The following EPS15L1 variants were observed in gnomAD, a reference collection of about 807,000 sequenced individuals.
The protein encoded by EPS15L1 is epidermal growth factor receptor substrate 15-like 1.
Under a neutral mutation model 117.1 loss-of-function variants are expected in EPS15L1, and 43 were observed. The ratio of observed to expected loss-of-function variants is 0.37; its 90% CI spans 0.29 to 0.47. The LOEUF (loss-of-function observed/expected upper bound fraction) is 0.47, where lower values mean the gene tolerates loss of function less well. Among genes scored for constraint, EPS15L1 ranks in the 20% least tolerant of loss-of-function variants. The pLI, the probability that EPS15L1 is intolerant of heterozygous loss-of-function variation, is 0.99. For synonymous variants in EPS15L1, 459 were observed against 470.5 expected (o/e 0.98, Z 0.32); for missense variants, 981 against 1,164.0 (o/e 0.84, Z 2.29).
chr19:16,445,428 CAT>C (rs141623349), intron 1 of EPS15L1, among the ~76,000 whole-genome samples: 21 of 152,296 alleles, frequency 1.4e-4, no homozygotes, highest in African/African-American at 4.6e-4. Flanking sequence ...TCTAATTACA[CAT>C]ATGTCAGGTT....
chr19:16,451,139 C>T (rs1387003865), intron 1 of EPS15L1, among the ~76,000 whole-genome samples: 1 of 151,812 alleles, frequency 6.6e-6, no homozygotes, highest in Non-Finnish European at 1.5e-5. Context: ...TTAGTAGAGA[C>T]CGGGTCTCAC....
At chr19:16,407,418 G>A (rs2144857987) in intron 13 of EPS15L1, among the ~76,000 whole-genome samples, 1 of 152,298 alleles carries the variant, frequency 6.6e-6, no homozygotes, top group Non-Finnish European at 1.5e-5. Flanking sequence ...GGATTCTCGT[G>A]CCTCAGTCTC....
At chr19:16,429,668 C>T (rs1316188156) in intron 7 of EPS15L1, among the ~76,000 whole-genome samples, 2 of 152,204 alleles carry the variant, frequency 1.3e-5, no homozygotes, top group African/African-American at 2.4e-5. Flanking sequence ...TGACCCTGCC[C>T]CACCCTGCTC....
chr19:16,386,801 G>C (rs369048907), intron 19 of EPS15L1, among the ~76,000 whole-genome samples: 3 of 152,256 alleles, frequency 2.0e-5, no homozygotes, highest in South Asian at 4.1e-4. Context: ...GAGGCCACAA[G>C]AACTGAGCTG....
chr19:16,430,873 T>G (rs993174960), intron 7 of EPS15L1, among the ~76,000 whole-genome samples: 1 of 152,228 alleles, frequency 6.6e-6, no homozygotes, highest in Non-Finnish European at 1.5e-5. Flanking sequence ...TGCATGGGCA[T>G]GTGCACACAC....
chr19:16,465,629 C>A (rs1283233583), intron 1 of EPS15L1, among the ~76,000 whole-genome samples: 2 of 152,118 alleles, frequency 1.3e-5, no homozygotes, highest in Admixed American at 1.3e-4. Context: ...CTGCAATGAG[C>A]TTTGATTGCA....
intron 21 of EPS15L1, among the ~76,000 whole-genome samples, chr19:16,378,810 TG>T (rs1170580991): frequency 6.6e-6 from 1 of 152,154 alleles, no homozygotes; most frequent in Non-Finnish European, 1.5e-5. Flanking sequence ...TCACTTTCTA[TG>T]GGCAGAAGAA....
At chr19:16,409,070 T>A (rs888385132) in intron 13 of EPS15L1, among the ~76,000 whole-genome samples, 4 of 151,880 alleles carry the variant, frequency 2.6e-5, no homozygotes, top group Admixed American at 2.6e-4. Flanking sequence ...CAAAAAAAAA[T>A]TGTTTTTGAA....
chr19:16,437,205 T>C, intron 5 of EPS15L1: 1 of 581,692 alleles, frequency 1.7e-6, no homozygotes, highest in Non-Finnish European at 3.1e-6. Flanking sequence ...AAACAAATCC[T>C]TGTACATGAA....
At chr19:16,416,323 C>T (rs1462888326) in intron 12 of EPS15L1, among the ~76,000 whole-genome samples, 2 of 152,100 alleles carry the variant, frequency 1.3e-5, no homozygotes, top group Non-Finnish European at 2.9e-5. Flanking sequence ...AAGAGTCCAC[C>T]CTGTCCTAGA....
At chr19:16,429,536 C>G (rs959956667) in intron 7 of EPS15L1, among the ~76,000 whole-genome samples, 1 of 152,214 alleles carries the variant, frequency 6.6e-6, no homozygotes, top group Admixed American at 6.5e-5. Context: ...CTCCTCTCCA[C>G]CTCTGCTGCT....
intron 7 of EPS15L1, among the ~76,000 whole-genome samples, chr19:16,433,506 C>T (rs1327041835): frequency 6.6e-6 from 1 of 152,072 alleles, no homozygotes; most frequent in Non-Finnish European, 1.5e-5. Context: ...TTACCTTGAG[C>T]TTTATCAGAA....
intron 22 of EPS15L1, among the ~76,000 whole-genome samples, chr19:16,362,481 A>G (rs2092069584): frequency 6.8e-6 from 1 of 146,816 alleles, no homozygotes; most frequent in African/African-American, 2.5e-5. Flanking sequence ...AAGGGTCTGC[A>G]CACAGCTCTG....
rs1599517799 is a variant in EPS15L1, at chr19:16,361,468, C to T, written c.2586+311G>A. 3 of 654,904 alleles carry T rather than the reference C, an allele frequency of 4.6e-6. No individual in the cohort carries two copies. In the East Asian group the frequency reaches 2.5e-4, roughly 54 times the overall value. The allele number at this position is 654,904 out of a possible 1,614,324, so 40.6% of individuals were successfully genotyped here. A position where few individuals can be genotyped will look rare whatever the true frequency, so the allele number is the denominator to read the frequency against. The stretch of plus-strand genomic sequence containing the variant: ...ATCTTGGCTTCCAAAAACCAGTGAA[C>T]ACAACAGCCTCGGTGCGTCAGAAAT... On this transcript the variant is annotated intron_variant, in intron 23 of 23. Coordinates refer to ENST00000455140, the MANE Select transcript of EPS15L1 (RefSeq NM_001258374.3).
At chr19:16,412,733 G>C (rs1321599436) in intron 13 of EPS15L1, 2 of 195,818 alleles carry the variant, frequency 1.0e-5, no homozygotes, top group East Asian at 3.1e-4. Flanking sequence ...GGGGGTGTCA[G>C]AGGCCCTGGG....
intron 7 of EPS15L1, among the ~76,000 whole-genome samples, chr19:16,429,994 C>T (rs893931360): frequency 6.6e-6 from 1 of 152,222 alleles, no homozygotes; most frequent in African/African-American, 2.4e-5. Flanking sequence ...GTGTGACAAC[C>T]AAAAATGTCC....
chr19:16,420,033 G>A (rs912782413), intron 10 of EPS15L1, among the ~76,000 whole-genome samples: 7 of 152,190 alleles, frequency 4.6e-5, no homozygotes, highest in Non-Finnish European at 8.8e-5. Context: ...GGCAGCCATC[G>A]CAGGGAAAAA....
intron 21 of EPS15L1, among the ~76,000 whole-genome samples, chr19:16,380,684 A>G (rs1197166931): frequency 6.6e-6 from 1 of 152,142 alleles, no homozygotes; most frequent in Non-Finnish European, 1.5e-5. Flanking sequence ...TTCCAGTCAC[A>G]CCGATGCGGT....
chr19:16,402,398 G>A lies in EPS15L1; in HGVS notation c.1714C>T (p.His572Tyr), dbSNP rs1326421340. 1 of 1,614,122 alleles carries A rather than the reference G, an allele frequency of 6.2e-7. No homozygotes were observed. Among genetic ancestry groups the A allele is most frequent in the Non-Finnish European group, 8.5e-7 (1 of 1,179,992 alleles). The change falls in exon 16 of 24, where the codon CAT (histidine) becomes TAT (tyrosine). Residue 572 changes from histidine (H) to tyrosine (Y), a missense_variant. Transcript: ENST00000455140. ...GCCAGGTCGGTCAGGCTGGCACCAT[G>A]GGCTCCATCGAGCACCTGGTCATAC... ...EQYDQVLDGAHGASLTDLANL... is the reference protein window; with the variant it reads ...EQYDQVLDGAYGASLTDLANL...
Sources: allele counts gnomAD v4.1 joint callset (sites outside exome capture counted in the v4.1 genomes callset), GRCh38; gene constraint gnomAD v4.1.1; transcripts MANE v1.5; gene names NCBI Gene and HGNC (gene_info 2026-07-23, HGNC 2026-07-21).